Variants in EYA3 observed in about 807,000 individuals in gnomAD.
The protein encoded by EYA3 is protein phosphatase EYA3.
In EYA3, 39 loss-of-function variants were observed where a neutral mutation model predicts 80.0. That is an observed-to-expected ratio of 0.49 (90% CI 0.38 to 0.64). The LOEUF is 0.64. Among genes scored for constraint, EYA3 ranks in the 30% least tolerant of loss-of-function variants. EYA3 has a pLI of 0.00. For missense variants in EYA3, 523 were observed against 676.1 expected, an observed-to-expected ratio of 0.77 and a Z score of 2.51; for synonymous variants, 206 against 232.8, an observed-to-expected ratio of 0.88 and a Z score of 1.05.
intron 1 of EYA3, among the ~76,000 whole-genome samples, chr1:28,080,055 C>T (rs992960038): frequency 1.3e-5 from 2 of 152,126 alleles, no homozygotes; most frequent in Non-Finnish European, 2.9e-5. Context: ...TTCAATTTCA[C>T]CTAAAAGCTA....
At chr1:27,982,501 C>T (rs1037042702) in intron 16 of EYA3, among the ~76,000 whole-genome samples, 6 of 150,932 alleles carry the variant, frequency 4.0e-5, no homozygotes, top group Non-Finnish European at 1.5e-5. Flanking sequence ...CAGAACAAAA[C>T]TTTTCAAGTA....
chr1:28,067,685 G>T (rs1769710), intron 1 of EYA3, among the ~76,000 whole-genome samples: 2,077 of 152,236 alleles, frequency 0.014, 51 homozygotes, highest in African/African-American at 0.046. Context: ...TTCCTAAGAA[G>T]TTATTTAGAC....
At chr1:28,055,833 C>G (rs1366300840) in intron 2 of EYA3, among the ~76,000 whole-genome samples, 1 of 151,976 alleles carries the variant, frequency 6.6e-6, no homozygotes, top group African/African-American at 2.4e-5. Context: ...AGGGATAATT[C>G]AATAAGGAAG....
chr1:28,020,676 G>A (rs561305099), intron 7 of EYA3, among the ~76,000 whole-genome samples: 2 of 82,594 alleles, frequency 2.4e-5, no homozygotes, highest in African/African-American at 8.2e-5. Context: ...TCGTGTGTGT[G>A]TGTGTGTGTG....
chr1:28,017,704 T>C (rs1642163623), intron 7 of EYA3, among the ~76,000 whole-genome samples: 1 of 152,194 alleles, frequency 6.6e-6, no homozygotes, highest in East Asian at 1.9e-4. Context: ...ACATGAGAAA[T>C]AGAGCTGGTC....
chr1:28,039,480 A>G (rs1643651067), intron 4 of EYA3, among the ~76,000 whole-genome samples: 1 of 152,192 alleles, frequency 6.6e-6, no homozygotes. Context: ...CAAATCACAG[A>G]CAGACGTGAG....
intron 14 of EYA3, among the ~76,000 whole-genome samples, chr1:27,991,682 C>T (rs1435980337): frequency 6.6e-6 from 1 of 152,064 alleles, no homozygotes; most frequent in Non-Finnish European, 1.5e-5. Flanking sequence ...TAAAACAAAA[C>T]GACAACAAAA....
At position 27,970,411 on chromosome 1, in the gene EYA3, T is replaced by A. The variant is rs1638687222; in HGVS notation, c.*4055A>T. 6.6e-6 allele frequency: 1 copy of A among 152,232 alleles called. No individual in the cohort carries two copies. The highest frequency in any genetic ancestry group is 1.5e-5 in the Non-Finnish European group (1 of 68,048). The allele number at this position is 152,232 out of a possible 1,614,324, so 9.4% of individuals were successfully genotyped here. A position where few individuals can be genotyped will look rare whatever the true frequency, so the allele number is the denominator to read the frequency against. On this transcript the variant is annotated 3_prime_UTR_variant, in exon 18 of 18. Transcript: ENST00000373871. ...GTTCCCATTACATATAACATTACGG[T>A]CACGGATTCTACAGCCACAAATGCC...
At chr1:28,072,041 A>G (rs1263498202) in intron 1 of EYA3, among the ~76,000 whole-genome samples, 2 of 152,166 alleles carry the variant, frequency 1.3e-5, no homozygotes, top group Admixed American at 1.3e-4. Context: ...AGAGACCAAT[A>G]GTCCCAAACT....
intron 1 of EYA3, among the ~76,000 whole-genome samples, chr1:28,073,158 A>G (rs1645089770): frequency 1.7e-5 from 1 of 59,190 alleles, no homozygotes; most frequent in Non-Finnish European, 3.2e-5. Flanking sequence ...TTTTAGATAG[A>G]GTTTCACTCT....
chr1:28,047,145 T>TG (rs1644040356), intron 3 of EYA3, among the ~76,000 whole-genome samples: 1 of 135,468 alleles, frequency 7.4e-6, no homozygotes, highest in African/African-American at 2.5e-5. Context: ...TTAAGTTCCT[T>TG]TTTTTTTTTG....
Position 27,972,660 on chromosome 1 carries a change from T to C in EYA3, c.*1806A>G, listed in dbSNP as rs1638775634. Reference sequence around the variant, plus strand: ...ATCCTGCATCTCAATCTGAGGTGCTTGTATCATCTCTCTCTGTGTAGCCTG... The same window carrying C: ...ATCCTGCATCTCAATCTGAGGTGCTCGTATCATCTCTCTCTGTGTAGCCTG... On this transcript the variant is annotated 3_prime_UTR_variant, in exon 18 of 18. Coordinates refer to ENST00000373871, the MANE Select transcript of EYA3 (RefSeq NM_001990.4). 6.6e-6 allele frequency: 1 copy of C among 152,252 alleles called. No homozygotes were observed. The highest frequency in any genetic ancestry group is 2.4e-5 in the African/African-American group (1 of 41,458). The allele number at this position is 152,252 out of a possible 1,614,324, so 9.4% of individuals were successfully genotyped here. A position where few individuals can be genotyped will look rare whatever the true frequency, so the allele number is the denominator to read the frequency against.
intron 6 of EYA3, among the ~76,000 whole-genome samples, chr1:28,029,790 T>C (rs1643017524): frequency 6.6e-6 from 1 of 151,968 alleles, no homozygotes; most frequent in South Asian, 2.1e-4. Context: ...AGATGGGGTT[T>C]CACTATGTTG....
At chr1:28,048,042 A>C (rs1162038813) in intron 3 of EYA3, among the ~76,000 whole-genome samples, 7 of 152,090 alleles carry the variant, frequency 4.6e-5, no homozygotes, top group Non-Finnish European at 1.5e-5. Context: ...TATTTCGCTT[A>C]TGCTTCCTAT....
At chr1:27,981,623 T>C (rs1396657866) in intron 16 of EYA3, among the ~76,000 whole-genome samples, 2 of 151,640 alleles carry the variant, frequency 1.3e-5, no homozygotes, top group Admixed American at 1.3e-4. Context: ...CTACAAAAAA[T>C]AGGAAAAGTT....
At chr1:27,999,871 A>G (rs1021778852) in intron 12 of EYA3, 89 bp downstream of exon 12, 1 of 962,184 alleles carries the variant, frequency 1.0e-6, no homozygotes, top group Non-Finnish European at 1.6e-6. Flanking sequence ...CTATCTAAAC[A>G]CATATCTTCT....
chr1:27,993,508 G>C lies in EYA3; in HGVS notation c.1195C>G (p.His399Asp). 6.2e-7 allele frequency: 1 copy of C among 1,612,394 alleles called. No individual in the cohort carries two copies. Among genetic ancestry groups the C allele is most frequent in the Non-Finnish European group, 8.5e-7 (1 of 1,179,452 alleles). ...GFSGSGGSGSHGSSVGVQGGV... is the reference protein window; with the variant it reads ...GFSGSGGSGSDGSSVGVQGGV... ...CCCTGAACACCCACAGATGAACCAT[G>C]GCTGCCACTACCTCCTGAGCCACTG... is the stretch of plus-strand genomic sequence containing the variant. The change falls in exon 14 of 18, where the codon CAT (histidine) becomes GAT (aspartate). Residue 399 changes from histidine to aspartate, a missense_variant. This residue lies in a region of EYA3 where 219 missense variants were observed against 332.8 expected (regional missense o/e 0.66). Coordinates refer to ENST00000373871, the MANE Select transcript of EYA3 (RefSeq NM_001990.4).
chr1:28,068,663 T>C (rs1227524751), intron 1 of EYA3, among the ~76,000 whole-genome samples: 1 of 152,162 alleles, frequency 6.6e-6, no homozygotes, highest in Non-Finnish European at 1.5e-5. Context: ...CTCCCTGACA[T>C]TCTTTTTATG....
At chr1:28,048,335 A>C (rs1253227703) in intron 3 of EYA3, 48 bp downstream of exon 3, 3 of 1,466,392 alleles carry the variant, frequency 2.0e-6, no homozygotes, top group Admixed American at 2.0e-5. Context: ...GAAAAAAAAA[A>C]ACAAAACTTA....
Sources: gnomAD v4.1 joint callset for allele counts (sites outside exome capture counted in the v4.1 genomes callset) on GRCh38, gnomAD v4.1.1 for gene constraint, gnomAD v4.1.1 regional missense constraint, MANE v1.5 for transcripts, NCBI Gene and HGNC (gene_info 2026-07-23, HGNC 2026-07-21) for gene names.